The following CD55 variants were observed in gnomAD, a reference collection of about 807,000 sequenced individuals.
The protein encoded by CD55 is CD55 molecule (Cromer blood group).
CD55 carries 41 observed loss-of-function variants against 45.8 expected under a neutral mutation model. The observed-to-expected ratio is 0.90, with a 90% CI of 0.70 to 1.16. The LOEUF is 1.16. CD55 is among the 50% of genes most tolerant of loss of function. CD55 has a pLI of 0.00. For synonymous variants in CD55, 181 were observed against 181.1 expected, an observed-to-expected ratio of 1.00 and a Z score of 0.01; for missense variants, 416 against 469.8, an observed-to-expected ratio of 0.89 and a Z score of 1.06.
At chr1:207,354,904 A>G (rs1165618185) in intron 9 of CD55, among the ~76,000 whole-genome samples, 1 of 152,220 alleles carries the variant, frequency 6.6e-6, no homozygotes, top group Non-Finnish European at 1.5e-5. Flanking sequence ...TACTTCTGTC[A>G]TCTGGATGTT....
chr1:207,343,385 AT>A (rs983057178), intron 9 of CD55, among the ~76,000 whole-genome samples: 1 of 151,826 alleles, frequency 6.6e-6, no homozygotes, highest in Non-Finnish European at 1.5e-5. Flanking sequence ...TGCCATTTCT[AT>A]TTTTTCAAGA....
chr1:207,353,484 C>CT lies in CD55; in HGVS notation c.1082-6059dup, dbSNP rs1655964314. ...ACAGACTAGCCCAAATCTAAATGTACTTTCAAGAGTCTTGACTCTTAAGTA... is the reference window on the plus strand; with the variant it reads ...ACAGACTAGCCCAAATCTAAATGTACTTTTCAAGAGTCTTGACTCTTAAGTA... On this transcript the variant is annotated intron_variant, in intron 9 of 9. Transcript: ENST00000367064. Among the ~76,000 whole-genome samples the CT allele has an allele frequency of 4.6e-5, 7 of 152,166 alleles. No individual in the cohort carries two copies. In the South Asian group the frequency reaches 1.5e-3, roughly 32 times the overall value.
intron 9 of CD55, chr1:207,347,136 C>T: frequency 2.2e-6 from 1 of 456,252 alleles, no homozygotes; most frequent in Non-Finnish European, 4.4e-6. Context: ...GCTTAGGTTT[C>T]TCTCCATGGA....
chr1:207,350,225 A>T (rs921196522), intron 9 of CD55: 3 of 396,474 alleles, frequency 7.6e-6, no homozygotes, highest in Non-Finnish European at 1.5e-5. Flanking sequence ...TGATCGTGGT[A>T]AGTTAGGTAT....
At chr1:207,351,483 T>G (rs1332390364) in intron 9 of CD55, among the ~76,000 whole-genome samples, 1 of 152,216 alleles carries the variant, frequency 6.6e-6, no homozygotes, top group Non-Finnish European at 1.5e-5. Flanking sequence ...TTTCCATCTC[T>G]TCATAGGTCT....
intron 5 of CD55, among the ~76,000 whole-genome samples, chr1:207,329,732 C>T (rs7550793): frequency 0.011 from 1,685 of 152,180 alleles, 38 homozygotes; most frequent in African/African-American, 0.039. Flanking sequence ...CCACCTCAGC[C>T]TCCCTTGTAG....
intron 9 of CD55, among the ~76,000 whole-genome samples, chr1:207,354,508 G>A (rs1656006059): frequency 6.6e-6 from 1 of 152,136 alleles, no homozygotes; most frequent in South Asian, 2.1e-4. Context: ...TTTTGTGGGG[G>A]AGAAAACCTT....
At chr1:207,337,135 CCCT>C (rs1456666546) in intron 7 of CD55, 191 bp from the exon 8 acceptor site, 1 of 606,970 alleles carries the variant, frequency 1.6e-6, no homozygotes, top group Non-Finnish European at 2.9e-6. Context: ...CTACAAAGAC[CCCT>C]TCTGCAGCTC....
chr1:207,322,173 C>T (rs1207638507), intron 1 of CD55: 1 of 703,746 alleles, frequency 1.4e-6, no homozygotes. Flanking sequence ...TATCCTTAAC[C>T]CCCAAAAAGC....
intron 9 of CD55, among the ~76,000 whole-genome samples, chr1:207,352,644 A>G (rs1245688232): frequency 6.6e-6 from 1 of 152,242 alleles, no homozygotes; most frequent in East Asian, 1.9e-4. Flanking sequence ...TGTGATTCCT[A>G]TGTGAAGTAT....
chr1:207,323,254 G>GAT (rs757138977), intron 2 of CD55, among the ~76,000 whole-genome samples: 81 of 149,442 alleles, frequency 5.4e-4, no homozygotes, highest in Admixed American at 2.9e-3. Context: ...TATAGGGAGA[G>GAT]ATATATATAT....
intron 6 of CD55, among the ~76,000 whole-genome samples, chr1:207,333,751 C>G (rs1279791843): frequency 2.0e-5 from 3 of 151,306 alleles, no homozygotes; most frequent in Non-Finnish European, 4.4e-5. Context: ...AAATTAAGAA[C>G]ACAATAGATA....
At chr1:207,345,457 T>A (rs1655594823) in intron 9 of CD55, among the ~76,000 whole-genome samples, 1 of 152,100 alleles carries the variant, frequency 6.6e-6, no homozygotes, top group African/African-American at 2.4e-5. Flanking sequence ...CTCATTAATA[T>A]CCTGAATTGT....
At chr1:207,336,868 A>T (rs1409698009) in intron 7 of CD55, 50 bp downstream of exon 7, 1 of 1,609,460 alleles carries the variant, frequency 6.2e-7, no homozygotes. Flanking sequence ...AAAATGTTTC[A>T]GCTACAAGAA....
chr1:207,352,077 T>A (rs896388758), intron 9 of CD55, among the ~76,000 whole-genome samples: 42 of 152,188 alleles, frequency 2.8e-4, no homozygotes, highest in African/African-American at 1.0e-3. Flanking sequence ...ATGATACAGA[T>A]GATCTTTGAA....
At chr1:207,347,265 A>T (rs987270092) in intron 9 of CD55, 12 of 401,930 alleles carry the variant, frequency 3.0e-5, no homozygotes, top group Non-Finnish European at 5.0e-5. Flanking sequence ...GGGTAAACAC[A>T]TTTTTTTTTT....
intron 9 of CD55, among the ~76,000 whole-genome samples, chr1:207,342,676 T>C (rs1424973055): frequency 6.6e-6 from 1 of 152,180 alleles, no homozygotes; most frequent in Non-Finnish European, 1.5e-5. Flanking sequence ...GTTGTGTTCT[T>C]GTCTGGTTTT....
intron 6 of CD55, among the ~76,000 whole-genome samples, chr1:207,332,395 T>C (rs1654984959): frequency 6.6e-6 from 1 of 152,174 alleles, no homozygotes; most frequent in Non-Finnish European, 1.5e-5. Context: ...ATAAATTCCT[T>C]GTAGTATAAT....
At chr1:207,354,136 G>A (rs1187917521) in intron 9 of CD55, 4 of 1,510,052 alleles carry the variant, frequency 2.6e-6, no homozygotes, top group Admixed American at 4.0e-5. Context: ...TTCTTTGGCA[G>A]TGAAGATGAT....
Sources: gnomAD v4.1 joint callset for allele counts (sites outside exome capture counted in the v4.1 genomes callset) on GRCh38, gnomAD v4.1.1 for gene constraint, MANE v1.5 for transcripts, NCBI Gene and HGNC (gene_info 2026-07-23, HGNC 2026-07-21) for gene names.